The following WWOX variants were observed in gnomAD, a reference collection of about 807,000 sequenced individuals.
WWOX encodes the protein WW domain containing oxidoreductase.
In WWOX, 69 loss-of-function variants were observed where a neutral mutation model predicts 46.2. The observed-to-expected ratio is 1.49, with a 90% CI of 1.23 to 1.82. The LOEUF (loss-of-function observed/expected upper bound fraction) is 1.82, where lower values mean the gene tolerates loss of function less well. Ranked by LOEUF, WWOX falls within the 40% of genes most tolerant of loss-of-function variation. The pLI is 0.00. For synonymous variants in WWOX, 359 were observed against 202.6 expected (o/e 1.77, Z -6.56); for missense variants, 919 against 542.6 (o/e 1.69, Z -6.89).
chr16:78,386,000 A>T (rs922489501), intron 5 of WWOX, among the ~76,000 whole-genome samples: 8 of 152,228 alleles, frequency 5.3e-5, no homozygotes, highest in African/African-American at 1.7e-4. Flanking sequence ...GCCATGAAGA[A>T]CATGGCCAAT....
chr16:79,100,456 G>A (rs778379706), intron 8 of WWOX, among the ~76,000 whole-genome samples: 2 of 152,086 alleles, frequency 1.3e-5, no homozygotes, highest in Non-Finnish European at 2.9e-5. Context: ...GTAATAAACA[G>A]CAAACGGGCC....
At chr16:78,929,973 C>A (rs561356755) in intron 8 of WWOX, among the ~76,000 whole-genome samples, 1 of 152,128 alleles carries the variant, frequency 6.6e-6, no homozygotes, top group South Asian at 2.1e-4. Context: ...GCAGCTAGCT[C>A]TCTGTGACCG....
At chr16:79,149,927 C>T (rs1194157480) in intron 8 of WWOX, among the ~76,000 whole-genome samples, 3 of 152,206 alleles carry the variant, frequency 2.0e-5, no homozygotes, top group African/African-American at 7.2e-5. Context: ...CCATCCACAT[C>T]ACTGAAAAAG....
At chr16:79,152,566 G>A (rs947272005) in intron 8 of WWOX, among the ~76,000 whole-genome samples, 2 of 152,034 alleles carry the variant, frequency 1.3e-5, no homozygotes, top group Admixed American at 6.5e-5. Flanking sequence ...AGCTACTCGG[G>A]AGGTTGAGGC....
chr16:78,415,337 T>G (rs948325477), intron 6 of WWOX, among the ~76,000 whole-genome samples: 1 of 152,102 alleles, frequency 6.6e-6, no homozygotes, highest in Non-Finnish European at 1.5e-5. Context: ...GATGACCAAA[T>G]GTCGTTGCCA....
At chr16:78,836,486 C>G (rs1007857959) in intron 8 of WWOX, among the ~76,000 whole-genome samples, 12 of 152,170 alleles carry the variant, frequency 7.9e-5, no homozygotes, top group Admixed American at 7.2e-4. Flanking sequence ...CTAGTAGGAT[C>G]TCACATTGGT....
chr16:78,735,278 C>T (rs1355426693), intron 8 of WWOX, among the ~76,000 whole-genome samples: 2 of 151,970 alleles, frequency 1.3e-5, no homozygotes, highest in East Asian at 1.9e-4. Context: ...TGGCTCTCCA[C>T]CTTGCCTATA....
At chr16:79,050,563 C>T (rs1229423891) in intron 8 of WWOX, among the ~76,000 whole-genome samples, 1 of 152,196 alleles carries the variant, frequency 6.6e-6, no homozygotes, top group African/African-American at 2.4e-5. Flanking sequence ...GTCCCAAAGC[C>T]CGGGGCATGG....
intron 8 of WWOX, among the ~76,000 whole-genome samples, chr16:78,444,675 C>T (rs1249712331): frequency 2.6e-5 from 4 of 151,828 alleles, no homozygotes; most frequent in Non-Finnish European, 2.9e-5. Flanking sequence ...GGACTACAGG[C>T]GCGTGCCACC....
chr16:78,246,403 T>C (rs1246344081), intron 5 of WWOX, among the ~76,000 whole-genome samples: 2 of 152,172 alleles, frequency 1.3e-5, no homozygotes, highest in African/African-American at 4.8e-5. Flanking sequence ...CACTACCCTG[T>C]TTTTGAAAGT....
intron 8 of WWOX, among the ~76,000 whole-genome samples, chr16:79,050,182 T>G (rs867437328): frequency 2.3e-4 from 35 of 152,206 alleles, no homozygotes; most frequent in African/African-American, 8.0e-4. Flanking sequence ...TCAGCAGAAC[T>G]AGGCTGGGCT....
chr16:78,732,347 G>T (rs181297300), intron 8 of WWOX, among the ~76,000 whole-genome samples: 10 of 152,080 alleles, frequency 6.6e-5, no homozygotes, highest in Non-Finnish European at 1.2e-4. Flanking sequence ...TCAATCTAGC[G>T]TAGGTAGGAA....
chr16:78,799,818 G>A (rs933996637), intron 8 of WWOX, among the ~76,000 whole-genome samples: 2 of 152,172 alleles, frequency 1.3e-5, no homozygotes, highest in Non-Finnish European at 2.9e-5. Flanking sequence ...GACAGAAGCT[G>A]CCCAATTATA....
intron 5 of WWOX, among the ~76,000 whole-genome samples, chr16:78,339,278 T>A (rs1257271828): frequency 8.5e-6 from 1 of 118,322 alleles, no homozygotes; most frequent in East Asian, 1.9e-4. Flanking sequence ...ATACTCATCT[T>A]TTTTTAGAAA....
intron 8 of WWOX, among the ~76,000 whole-genome samples, chr16:78,621,671 C>G (rs896693746): frequency 5.6e-5 from 7 of 124,904 alleles, no homozygotes; most frequent in African/African-American, 2.1e-4. Flanking sequence ...GTGGCACCAT[C>G]TCGGCTCACC....
chr16:79,049,325 C>G (rs879687213), intron 8 of WWOX, among the ~76,000 whole-genome samples: 5 of 152,194 alleles, frequency 3.3e-5, no homozygotes, highest in Admixed American at 1.3e-4. Flanking sequence ...AGCACGTGCC[C>G]GCTCTTTCAC....
At chr16:78,115,266 T>G in intron 4 of WWOX, 112 bp downstream of exon 4, 1 of 1,289,864 alleles carries the variant, frequency 7.8e-7, no homozygotes, top group Non-Finnish European at 1.1e-6. Flanking sequence ...ATGACTTTTA[T>G]CCTTTTCAGA....
At chr16:79,089,384 T>G (rs888897635) in intron 8 of WWOX, among the ~76,000 whole-genome samples, 7 of 151,284 alleles carry the variant, frequency 4.6e-5, no homozygotes, top group African/African-American at 1.5e-4. Flanking sequence ...CAGGCTGGAA[T>G]GCAGTGGCAT....
intron 8 of WWOX, among the ~76,000 whole-genome samples, chr16:78,789,098 T>C (rs1024715217): frequency 6.6e-6 from 1 of 152,194 alleles, no homozygotes; most frequent in East Asian, 1.9e-4. Flanking sequence ...AAGAATCCAT[T>C]GTCAAATCCA....
Sources: allele counts gnomAD v4.1 joint callset (sites outside exome capture counted in the v4.1 genomes callset), GRCh38; gene constraint gnomAD v4.1.1; transcripts MANE v1.5; gene names NCBI Gene and HGNC (gene_info 2026-07-23, HGNC 2026-07-21).